The following NYAP2 variants were observed in gnomAD, a reference collection of about 807,000 sequenced individuals.
The protein encoded by NYAP2 is neuronal tyrosine-phosphorylated phosphoinositide-3-kinase adaptor 2.
A neutral mutation model predicts 50.4 loss-of-function variants in NYAP2; 23 were observed. That is an observed-to-expected ratio of 0.46 (90% CI 0.33 to 0.65). The LOEUF (loss-of-function observed/expected upper bound fraction) is 0.65, where lower values mean the gene tolerates loss of function less well. Ranked by LOEUF, NYAP2 falls within the 30% of genes least tolerant of loss-of-function variation. NYAP2 has a pLI of 0.02. For synonymous variants in NYAP2, 394 were observed against 365.2 expected, an observed-to-expected ratio of 1.08 and a Z score of -0.90; for missense variants, 885 against 861.0, an observed-to-expected ratio of 1.03 and a Z score of -0.35.
At chr2:225,659,720 T>C in the NYAP2 span, among the ~76,000 whole-genome samples, 2 of 152,196 alleles carry the variant, frequency 1.3e-5, no homozygotes, top group African/African-American at 2.4e-5. Flanking sequence ...ACCTGGAATA[T>C]GTTGCTGAAC....
At chr2:225,698,068 C>T in the NYAP2 span, among the ~76,000 whole-genome samples, 3 of 151,646 alleles carry the variant, frequency 2.0e-5, no homozygotes, top group Non-Finnish European at 2.9e-5. Flanking sequence ...GTCCCAACTA[C>T]TGGGGAGACT....
chr2:225,427,544 A>T (rs1337191429), intron 3 of NYAP2, among the ~76,000 whole-genome samples: 1 of 151,990 alleles, frequency 6.6e-6, no homozygotes, highest in Non-Finnish European at 1.5e-5. Context: ...CCTTTCCATC[A>T]TTCACCACCC....
intron 3 of NYAP2, among the ~76,000 whole-genome samples, chr2:225,482,393 C>T (rs975241813): frequency 6.6e-6 from 1 of 152,088 alleles, no homozygotes; most frequent in Non-Finnish European, 1.5e-5. Context: ...TTGCAGGTTC[C>T]TCTGCAGTGT....
chr2:225,478,802 A>C (rs1690160783), intron 3 of NYAP2, among the ~76,000 whole-genome samples: 1 of 152,212 alleles, frequency 6.6e-6, no homozygotes, highest in Non-Finnish European at 1.5e-5. Context: ...TTACATCCTG[A>C]TATAAAAAGT....
At chr2:225,579,838 G>A (rs1692240583) in intron 4 of NYAP2, among the ~76,000 whole-genome samples, 1 of 152,188 alleles carries the variant, frequency 6.6e-6, no homozygotes, top group Non-Finnish European at 1.5e-5. Flanking sequence ...TGGAGTATCA[G>A]ACTTTAGTGA....
the NYAP2 span, among the ~76,000 whole-genome samples, chr2:225,680,011 T>A: frequency 6.6e-6 from 1 of 152,256 alleles, no homozygotes; most frequent in Non-Finnish European, 1.5e-5. Flanking sequence ...ACATATAAGA[T>A]TAGATGAGAT....
chr2:225,518,288 G>A (rs1393942883), intron 4 of NYAP2, among the ~76,000 whole-genome samples: 2 of 151,576 alleles, frequency 1.3e-5, no homozygotes, highest in Non-Finnish European at 2.9e-5. Flanking sequence ...GATCTTACAT[G>A]TAAAGTGTAA....
chr2:225,459,142 T>C (rs1223356082), intron 3 of NYAP2, among the ~76,000 whole-genome samples: 1 of 152,264 alleles, frequency 6.6e-6, no homozygotes, highest in African/African-American at 2.4e-5. Context: ...ATCTATGTAA[T>C]ATAGCTAAAC....
At chr2:225,680,278 T>A in the NYAP2 span, among the ~76,000 whole-genome samples, 1 of 152,270 alleles carries the variant, frequency 6.6e-6, no homozygotes, top group African/African-American at 2.4e-5. Flanking sequence ...TTTCTTAAGT[T>A]TAGAAGTATA....
At chr2:225,443,936 T>G (rs1314966437) in intron 3 of NYAP2, among the ~76,000 whole-genome samples, 3 of 152,238 alleles carry the variant, frequency 2.0e-5, no homozygotes, top group Admixed American at 6.5e-5. Context: ...TTGTGTGATC[T>G]GCCAGCCCCC....
At chr2:225,476,669 T>A (rs961286586) in intron 3 of NYAP2, among the ~76,000 whole-genome samples, 8 of 152,182 alleles carry the variant, frequency 5.3e-5, no homozygotes, top group Admixed American at 2.6e-4. Flanking sequence ...TTTATGGATT[T>A]CCATTGTGTA....
the NYAP2 span, among the ~76,000 whole-genome samples, chr2:225,667,820 C>A: frequency 6.6e-6 from 1 of 152,018 alleles, no homozygotes; most frequent in Non-Finnish European, 1.5e-5. Flanking sequence ...AGATGCTTTA[C>A]AGATGCACGG....
intron 6 of NYAP2, among the ~76,000 whole-genome samples, chr2:225,642,652 G>T (rs957592920): frequency 5.3e-5 from 8 of 152,144 alleles, no homozygotes; most frequent in Non-Finnish European, 1.0e-4. Flanking sequence ...AGACCAAAGG[G>T]ATAGAATAAT....
At chr2:225,568,721 T>C (rs1692006057) in intron 4 of NYAP2, among the ~76,000 whole-genome samples, 1 of 152,186 alleles carries the variant, frequency 6.6e-6, no homozygotes. Flanking sequence ...TAAGCTCACA[T>C]AAACCAATGG....
chr2:225,485,320 C>T (rs570818190), intron 3 of NYAP2, among the ~76,000 whole-genome samples: 1 of 152,180 alleles, frequency 6.6e-6, no homozygotes, highest in African/African-American at 2.4e-5. Context: ...TCAATTAAAC[C>T]TCTTTCCCTT....
chr2:225,591,212 C>T (rs145588675), intron 5 of NYAP2, among the ~76,000 whole-genome samples: 82 of 152,284 alleles, frequency 5.4e-4, no homozygotes, highest in African/African-American at 1.9e-3. Context: ...AACAGTGTAA[C>T]TCACAGGCAA....
At chr2:225,643,914 G>A (rs1195448511) in intron 6 of NYAP2, among the ~76,000 whole-genome samples, 1 of 150,500 alleles carries the variant, frequency 6.6e-6, no homozygotes, top group East Asian at 1.9e-4. Context: ...ACGTGTGCAT[G>A]TGTCTTTATA....
chr2:225,648,932 C>T (rs1693683590), intron 6 of NYAP2, among the ~76,000 whole-genome samples: 1 of 152,096 alleles, frequency 6.6e-6, no homozygotes, highest in African/African-American at 2.4e-5. Context: ...AAGCAAGAAA[C>T]AAGTTGATGA....
chr2:225,423,137 A>T (rs1295543817), intron 3 of NYAP2, among the ~76,000 whole-genome samples: 1 of 152,050 alleles, frequency 6.6e-6, no homozygotes, highest in East Asian at 1.9e-4. Context: ...CATATAAGAG[A>T]GCATTTTGGA....
Sources: gnomAD v4.1 joint callset for allele counts (sites outside exome capture counted in the v4.1 genomes callset) on GRCh38, gnomAD v4.1.1 for gene constraint, MANE v1.5 for transcripts, NCBI Gene and HGNC (gene_info 2026-07-23, HGNC 2026-07-21) for gene names.